DNAH2: variants seen among roughly 807,000 people sequenced by gnomAD.
DNAH2 encodes axonemal beta dynein heavy chain 2.
Under a neutral mutation model 523.5 loss-of-function variants are expected in DNAH2, and 323 were observed. That is an observed-to-expected ratio of 0.62 (90% CI 0.56 to 0.68). DNAH2 has a LOEUF of 0.68. Ranked by LOEUF, DNAH2 falls within the 30% of genes least tolerant of loss-of-function variation. The pLI, the probability that DNAH2 is intolerant of heterozygous loss-of-function variation, is 0.00. For missense variants in DNAH2, 4,907 were observed against 5,701.5 expected, an observed-to-expected ratio of 0.86 and a Z score of 4.49; for synonymous variants, 2,093 against 2,177.4, an observed-to-expected ratio of 0.96 and a Z score of 1.08.
chr17:7,811,042 C>T (rs939875571), intron 63 of DNAH2, among the ~76,000 whole-genome samples: 1 of 152,228 alleles, frequency 6.6e-6, no homozygotes, highest in Non-Finnish European at 1.5e-5. Context: ...TTTAAGGCGA[C>T]TGTATCCCCA....
At position 7,743,099 on chromosome 17, in the gene DNAH2, A is replaced by G. The variant is rs1477833897; in HGVS notation, c.1861A>G (p.Ile621Val). The change falls in exon 12 of 86, where the codon ATC (isoleucine) becomes GTC (valine). Residue 621 changes from isoleucine to valine, a missense_variant. Ile to Val is a conservative substitution (Grantham distance 29). Coordinates refer to ENST00000572933, the MANE Select transcript of DNAH2 (RefSeq NM_020877.5). ...GCGGTTGGATACCCCATTGCTGCGA[A>G]TCAGCCAGGAGAAGGCGGGCATGCT... ...IRRLDTPLLR[I>V]SQEKAGMLDV... 1 of 1,564,478 alleles carries G rather than the reference A, an allele frequency of 6.4e-7. No homozygotes were observed. The highest frequency in any genetic ancestry group is 2.0e-5 in the Admixed American group (1 of 49,370).
chr17:7,807,342 G>C lies in DNAH2; in HGVS notation c.9612+23G>C, dbSNP rs200008933. The C allele has an allele frequency of 1.9e-6, 3 of 1,606,544 alleles. No individual in the cohort carries two copies. The highest frequency in any genetic ancestry group is 2.5e-6 in the Non-Finnish European group (3 of 1,176,478). On this transcript the variant is annotated intron_variant, in intron 62 of 85. Transcript: ENST00000572933. This position sits in a 1 kb window ranked among gnomAD's most constrained non-coding sequence, Gnocchi z 5.6. ...GAGGTAAAGGCGTCAGGGCTGGGGC[G>C]GGGCGGTAGGGAGGGCAGGCCTGGG...
In DNAH2 at chr17:7,754,579, T is replaced by C; in HGVS notation, c.1905-2512T>C. The C allele has an allele frequency of 4.7e-6, 7 of 1,490,686 alleles. No homozygotes were observed. The highest frequency in any genetic ancestry group is 6.5e-6 in the Non-Finnish European group (7 of 1,083,898). The allele number at this position is 1,490,686 out of a possible 1,614,324, so 92.3% of individuals were successfully genotyped here. A position where few individuals can be genotyped will look rare whatever the true frequency, so the allele number is the denominator to read the frequency against. ...ATGCACACCAACAATGCCAAGGCCA[T>C]GAGTCCACGTGCCGAGGCTCTCAAG... On this transcript the variant is annotated intron_variant, in intron 12 of 85. Coordinates refer to ENST00000572933, the MANE Select transcript of DNAH2 (RefSeq NM_020877.5). This position sits in a 1 kb window ranked among gnomAD's most constrained non-coding sequence, Gnocchi z 4.6.
chr17:7,792,956 C>G (rs935411147), intron 47 of DNAH2, 25 bp from the exon 48 acceptor site: 2 of 1,601,188 alleles, frequency 1.2e-6, no homozygotes, highest in Admixed American at 3.3e-5. Context: ...GGGACCCACA[C>G]ATTCATTCGG....
At chr17:7,771,700 T>C (rs1051250509) in intron 28 of DNAH2, among the ~76,000 whole-genome samples, 1 of 152,106 alleles carries the variant, frequency 6.6e-6, no homozygotes, top group African/African-American at 2.4e-5. Context: ...ATCAGTCAGA[T>C]GAGTTTATTT....
At chr17:7,741,541 G>A (rs2075351963) in intron 11 of DNAH2, among the ~76,000 whole-genome samples, 1 of 151,714 alleles carries the variant, frequency 6.6e-6, no homozygotes, top group Non-Finnish European at 1.5e-5. Flanking sequence ...TGTATTTTTA[G>A]TAGAGATGGG....
chr17:7,741,250 C>CTT (rs2075314445), intron 11 of DNAH2, among the ~76,000 whole-genome samples: 3 of 37,630 alleles, frequency 8.0e-5, no homozygotes, highest in African/African-American at 1.5e-4. Context: ...TTCTTTCTTT[C>CTT]TTTCTTTCTT....
chr17:7,740,248 C>T (rs888642414), intron 9 of DNAH2, among the ~76,000 whole-genome samples, 172 bp from the exon 10 acceptor site: 11 of 152,148 alleles, frequency 7.2e-5, no homozygotes, highest in African/African-American at 2.4e-4. Context: ...AGATAGAGCC[C>T]ATCTCACAGC....
At chr17:7,793,475 C>CTT (rs1182352039) in intron 48 of DNAH2, among the ~76,000 whole-genome samples, 1 of 132,290 alleles carries the variant, frequency 7.6e-6, no homozygotes, top group Non-Finnish European at 1.7e-5. Context: ...TTCTTTCTTT[C>CTT]TTTCTTTCTT....
rs577122794 is a variant in DNAH2 at position 7,742,538 on chromosome 17, G to C, written c.1690-390G>C. ...GCAGCTGGTGCTGGTAGAGAGTTAG[G>C]CAGCCTGCAGATAGCTGGAGGCTGG... On this transcript the variant is annotated intron_variant, in intron 11 of 85. Transcript: ENST00000572933. Among the ~76,000 whole-genome samples, 39 of 152,322 alleles carry C rather than the reference G, an allele frequency of 2.6e-4. 2 individuals carry two copies. The South Asian group carries it at 7.9e-3, about 31-fold the overall frequency.
intron 12 of DNAH2, among the ~76,000 whole-genome samples, chr17:7,750,378 C>T (rs1166298954): frequency 6.6e-6 from 1 of 152,206 alleles, no homozygotes; most frequent in African/African-American, 2.4e-5. Context: ...TGTTACAAAG[C>T]AGTTACCCCG....
At chr17:7,757,360 A>AC (rs1490924298) in intron 13 of DNAH2, 123 bp downstream of exon 13, 1 of 1,263,224 alleles carries the variant, frequency 7.9e-7, no homozygotes, top group Non-Finnish European at 1.1e-6. Flanking sequence ...TTCCATCTCA[A>AC]AAAAAAAAAA....
rs574617208 is a variant in DNAH2, at chr17:7,742,981, G to A, written c.1743G>A (p.Val581=). The A allele has an allele frequency of 1.8e-5, 27 of 1,508,796 alleles. No individual in the cohort carries two copies. The South Asian group carries it at 3.7e-4, about 21-fold the overall frequency. The allele number at this position is 1,508,796 out of a possible 1,614,324, so 93.5% of individuals were successfully genotyped here. Residue 581 remains valine (V), a synonymous_variant, in exon 12 of 86, where the codon GTG becomes GTA. Coordinates refer to ENST00000572933, the MANE Select transcript of DNAH2 (RefSeq NM_020877.5). ...LPRIGTGKES[V]HTYQQMVQAI... is the part of the protein sequence containing the mutation. ...GTATTGGGACTGGAAAGGAGAGTGTGCACACCTATCAGCAGATGGTCCAGG... is the reference window on the plus strand; with the variant it reads ...GTATTGGGACTGGAAAGGAGAGTGTACACACCTATCAGCAGATGGTCCAGG...
intron 3 of DNAH2, among the ~76,000 whole-genome samples, chr17:7,724,542 C>T (rs990076786): frequency 1.3e-5 from 2 of 151,994 alleles, no homozygotes; most frequent in African/African-American, 4.8e-5. Context: ...TTGCTTGAAC[C>T]CGAGGGCAGA....
At chr17:7,743,509 T>C (rs904355374) in intron 12 of DNAH2, 1 of 624,592 alleles carries the variant, frequency 1.6e-6, no homozygotes. Context: ...CTGCAAAAAA[T>C]ACAAAGATTA....
intron 12 of DNAH2, among the ~76,000 whole-genome samples, chr17:7,749,306 CCCAAAAAAAAAAA>C (rs2075607378): frequency 1.4e-3 from 5 of 3,500 alleles, no homozygotes; most frequent in African/African-American, 8.3e-3. Flanking sequence ...TAAACTCCCC[CCCAAAAAAAAAAA>C]AAAAAAAAAA....
At position 7,831,863 on chromosome 17, in the gene DNAH2, T is replaced by C. The variant is rs2078185886; in HGVS notation, c.12726+88T>C. ...CCAATCTCCTGGTTCTAGGTGGGCATAAAGCAAACTGCAGAGAGCCGAAAC... is the reference window on the plus strand; with the variant it reads ...CCAATCTCCTGGTTCTAGGTGGGCACAAAGCAAACTGCAGAGAGCCGAAAC... On this transcript the variant is annotated intron_variant, in intron 82 of 85. Coordinates refer to ENST00000572933, the MANE Select transcript of DNAH2 (RefSeq NM_020877.5). The surrounding 1 kb of genome is among the most constrained non-coding windows in gnomAD (Gnocchi z 4.2). The C allele has an allele frequency of 8.3e-7, 1 of 1,211,080 alleles. No individual in the cohort carries two copies. Among genetic ancestry groups the C allele is most frequent in the African/African-American group, 1.5e-5 (1 of 65,846 alleles). 75.0% of individuals were successfully genotyped at this position (1,211,080 alleles called of 1,614,324 possible). A position where few individuals can be genotyped will look rare whatever the true frequency, so the allele number is the denominator to read the frequency against.
chr17:7,738,506 T>C (rs2151147028), intron 8 of DNAH2, among the ~76,000 whole-genome samples: 1 of 152,144 alleles, frequency 6.6e-6, no homozygotes, highest in East Asian at 1.9e-4. Flanking sequence ...ATTTTTTGTA[T>C]TTTTAGTAGA....
At chr17:7,799,016 C>A (rs2077147527) in intron 55 of DNAH2, 87 bp from the exon 56 acceptor site, 9 of 1,535,682 alleles carry the variant, frequency 5.9e-6, no homozygotes, top group Non-Finnish European at 7.9e-6. Context: ...GCCTGGGAAA[C>A]ACTTCGTCAG....
Sources: allele counts gnomAD v4.1 joint callset (sites outside exome capture counted in the v4.1 genomes callset), GRCh38; gene constraint gnomAD v4.1.1; non-coding constraint Gnocchi (gnomAD v3.1); transcripts MANE v1.5; gene names NCBI Gene and HGNC (gene_info 2026-07-23, HGNC 2026-07-21).